Variants in MED16 observed in about 807,000 individuals in gnomAD.
MED16 encodes the protein mediator of RNA polymerase II transcription subunit 16.
A neutral mutation model predicts 84.4 loss-of-function variants in MED16; 81 were observed. The observed-to-expected ratio is 0.96, with a 90% confidence interval of 0.80 to 1.15. The LOEUF (loss-of-function observed/expected upper bound fraction) is 1.15. MED16 is among the 50% of genes most tolerant of loss of function. MED16 has a pLI of 0.00. For synonymous variants in MED16, 897 were observed against 552.2 expected (o/e 1.62, Z -8.76); for missense variants, 1,585 against 1,245.9 (o/e 1.27, Z -4.10).
chr19:890,432 C>T (rs756790351), intron 2 of MED16, 188 bp from the exon 3 acceptor site: 18 of 487,012 alleles, frequency 3.7e-5, no homozygotes, highest in Admixed American at 1.9e-4. Flanking sequence ...GCCTGTGAGG[C>T]GCCACAACTG....
intron 8 of MED16, among the ~76,000 whole-genome samples, chr19:877,964 C>G (rs975270669): frequency 1.6e-5 from 1 of 63,544 alleles, no homozygotes. Context: ...AGCCCCAGCC[C>G]CAGCCCCAGC....
chr19:871,735 G>T, intron 12 of MED16, 191 bp downstream of exon 12: 1 of 983,460 alleles, frequency 1.0e-6, no homozygotes, highest in Non-Finnish European at 1.5e-6. Flanking sequence ...GGGGGCTCAG[G>T]CAGGACTTGT....
intron 4 of MED16, among the ~76,000 whole-genome samples, chr19:889,280 G>C (rs1159538865): frequency 6.6e-6 from 1 of 152,116 alleles, no homozygotes; most frequent in South Asian, 2.1e-4. Context: ...TCAGAGGGTG[G>C]GCTGCATTCA....
At chr19:882,004 G>A (rs1034187700) in intron 6 of MED16, among the ~76,000 whole-genome samples, 1 of 152,236 alleles carries the variant, frequency 6.6e-6, no homozygotes, top group African/African-American at 2.4e-5. Flanking sequence ...TGGGGAGACG[G>A]CGCCACCTCA....
At chr19:876,953 C>A (rs1291646168) in intron 9 of MED16, 21 bp downstream of exon 9, 4 of 1,602,872 alleles carry the variant, frequency 2.5e-6, no homozygotes, top group Admixed American at 1.7e-5. Context: ...CCACGGGGCC[C>A]CACCTGCCAC....
intron 11 of MED16, 48 bp downstream of exon 11, chr19:873,401 A>AT (rs1360571668): frequency 6.9e-7 from 1 of 1,449,832 alleles, no homozygotes; most frequent in African/African-American, 2.1e-5. Context: ...TCCTGATGAG[A>AT]TGGGGGCCCA....
chr19:886,834 G>A (rs1327023326), intron 4 of MED16, among the ~76,000 whole-genome samples: 3 of 152,156 alleles, frequency 2.0e-5, no homozygotes, highest in Admixed American at 6.5e-5. Context: ...CCAGCACTTT[G>A]GGGGGCTGAG....
chr19:870,343 C>G (rs1157797035), intron 13 of MED16, among the ~76,000 whole-genome samples: 1 of 152,060 alleles, frequency 6.6e-6, no homozygotes, highest in African/African-American at 2.4e-5. Context: ...GGTGGATCAC[C>G]TGAGGTCAGG....
chr19:870,831 C>T (rs1272644082), intron 13 of MED16, among the ~76,000 whole-genome samples: 3 of 50,834 alleles, frequency 5.9e-5, no homozygotes, highest in Admixed American at 5.0e-4. Flanking sequence ...CGTGTGGATT[C>T]GGGGGGTCCC....
intron 13 of MED16, among the ~76,000 whole-genome samples, chr19:870,350 C>A (rs767451367): frequency 1.3e-5 from 2 of 152,116 alleles, no homozygotes; most frequent in African/African-American, 4.8e-5. Context: ...CACCTGAGGT[C>A]AGGAGTTCAA....
At chr19:883,969 G>A (rs142169648) in intron 6 of MED16, among the ~76,000 whole-genome samples, 3,031 of 152,204 alleles carry the variant, frequency 0.02, 56 homozygotes, top group Non-Finnish European at 0.033. Flanking sequence ...GAATGGCAGT[G>A]GCCCTCTTCA....
intron 10 of MED16, among the ~76,000 whole-genome samples, chr19:874,965 C>T (rs1369152948): frequency 1.3e-5 from 2 of 151,522 alleles, no homozygotes; most frequent in Non-Finnish European, 2.9e-5. Flanking sequence ...GAGTTCGAGA[C>T]CAGCCTGGCC....
intron 4 of MED16, among the ~76,000 whole-genome samples, chr19:889,321 C>T (rs1675194617): frequency 6.6e-6 from 1 of 152,176 alleles, no homozygotes; most frequent in African/African-American, 2.4e-5. Flanking sequence ...ATACATGCAG[C>T]TACCTAAGGA....
At chr19:883,121 G>A (rs940924237) in intron 6 of MED16, among the ~76,000 whole-genome samples, 2 of 152,230 alleles carry the variant, frequency 1.3e-5, no homozygotes, top group African/African-American at 2.4e-5. Context: ...TCCAACTGAC[G>A]GCTGCGGTCA....
chr19:879,321 G>A, intron 8 of MED16, among the ~76,000 whole-genome samples: 1 of 151,720 alleles, frequency 6.6e-6, no homozygotes, highest in South Asian at 2.1e-4. Context: ...ACCAAGCCCA[G>A]CCCCACGTGC....
In MED16 at chr19:884,964, G is replaced by A; in HGVS notation, c.924C>T (p.Cys308=). The change falls in exon 6 of 16, where the codon TGC becomes TGT. Residue 308 remains cysteine (C), a synonymous_variant. Coordinates refer to ENST00000325464, the MANE Select transcript of MED16 (RefSeq NM_005481.3). ...ASSQTSSIVE[C]WSLRKEGLPV... ...GGAGTCCCTCCTTGCGCAGGGACCAGCACTCCACGATGCTGCTGGTCTGGC... is the reference window on the plus strand; with the variant it reads ...GGAGTCCCTCCTTGCGCAGGGACCAACACTCCACGATGCTGCTGGTCTGGC... 6.2e-7 allele frequency: 1 copy of A among 1,608,934 alleles called. No individual in the cohort carries two copies. The highest frequency in any genetic ancestry group is 8.5e-7 in the Non-Finnish European group (1 of 1,179,212).
At chr19:890,713 A>G (rs987985149) in intron 2 of MED16, among the ~76,000 whole-genome samples, 4 of 152,212 alleles carry the variant, frequency 2.6e-5, no homozygotes, top group Middle Eastern at 3.4e-3. Context: ...CCGTCAACCA[A>G]CGCTCCAGCC....
chr19:879,478 C>T (rs2036359927), intron 8 of MED16, among the ~76,000 whole-genome samples: 4 of 144,384 alleles, frequency 2.8e-5, no homozygotes, highest in Middle Eastern at 3.8e-3. Context: ...TGTCAATGCC[C>T]ACCAGCCCCA....
intron 1 of MED16, chr19:892,552 C>T (rs1271253246): frequency 6.6e-6 from 1 of 151,958 alleles, no homozygotes. Flanking sequence ...CAGGCCCCGC[C>T]CCTATAACCC....
Sources: allele counts gnomAD v4.1 joint callset (sites outside exome capture counted in the v4.1 genomes callset), GRCh38; gene constraint gnomAD v4.1.1; transcripts MANE v1.5; gene names NCBI Gene and HGNC (gene_info 2026-07-23, HGNC 2026-07-21).